TMEM61: variants seen among roughly 807,000 people sequenced by gnomAD.
The protein encoded by TMEM61 is transmembrane protein 61.
In TMEM61, 13 loss-of-function variants were observed where a neutral mutation model predicts 12.0. The ratio of observed to expected loss-of-function variants is 1.08; its 90% CI spans 0.70 to 1.72. The LOEUF (loss-of-function observed/expected upper bound fraction) is 1.72. TMEM61 is among the 40% of genes most tolerant of loss of function. The pLI is 0.00. For synonymous variants in TMEM61, 109 were observed against 121.4 expected (o/e 0.90, Z 0.67); for missense variants, 249 against 276.9 (o/e 0.90, Z 0.71).
At chr1:54,988,049 T>TATTTACATAGC (rs1398548519) in intron 2 of TMEM61, among the ~76,000 whole-genome samples, 2 of 152,266 alleles carry the variant, frequency 1.3e-5, no homozygotes, top group African/African-American at 4.8e-5. Flanking sequence ...TTTACATGTG[T>TATTTACATAGC]ATTTACATAG....
chr1:54,985,064 C>T (rs1361845534), intron 1 of TMEM61, among the ~76,000 whole-genome samples: 1 of 152,094 alleles, frequency 6.6e-6, no homozygotes, highest in Non-Finnish European at 1.5e-5. Flanking sequence ...CTTGTTAAAC[C>T]TTTGTGCTGA....
intron 1 of TMEM61, among the ~76,000 whole-genome samples, chr1:54,981,831 T>C (rs1289541702): frequency 6.6e-6 from 1 of 152,166 alleles, no homozygotes; most frequent in African/African-American, 2.4e-5. Context: ...AGGCTGGCCC[T>C]GCCACCAGTG....
chr1:54,986,108 G>A lies in TMEM61; in HGVS notation c.27G>A (p.Gly9=). 6.3e-7 allele frequency: 1 copy of A among 1,586,472 alleles called. No individual in the cohort carries two copies. The highest frequency in any genetic ancestry group is 8.6e-7 in the Non-Finnish European group (1 of 1,161,566). ...TTCTCTGTGTCCAGATGTGTGACGG[G>A]AGCCACTTGGCCTCCACCCTCCGCT... MALPQMCD[G]SHLASTLRYC... Residue 9 remains glycine (G), a synonymous_variant, in exon 2 of 3, where the codon GGG becomes GGA. Coordinates refer to ENST00000371268, the MANE Select transcript of TMEM61 (RefSeq NM_182532.3).
At chr1:54,981,322 A>G (rs1644219690) in intron 1 of TMEM61, among the ~76,000 whole-genome samples, 1 of 152,182 alleles carries the variant, frequency 6.6e-6, no homozygotes, top group African/African-American at 2.4e-5. Context: ...CGGCATCTAA[A>G]GTGCCCTTAT....
At chr1:54,983,979 G>A (rs1438961210) in intron 1 of TMEM61, among the ~76,000 whole-genome samples, 1 of 152,164 alleles carries the variant, frequency 6.6e-6, no homozygotes, top group Non-Finnish European at 1.5e-5. Context: ...CAGAGGTCTA[G>A]GGGTGCAGAA....
intron 1 of TMEM61, among the ~76,000 whole-genome samples, chr1:54,982,947 GTGCCCAGCCTGGTAAA>G (rs1644233017): frequency 6.6e-6 from 1 of 152,076 alleles, no homozygotes; most frequent in Non-Finnish European, 1.5e-5. Flanking sequence ...CCTTGGCATG[GTGCCCAGCCTGGTAAA>G]TGCCCAGCCT....
intron 1 of TMEM61, 51 bp downstream of exon 1, chr1:54,981,131 T>C (rs1644217796): frequency 1.3e-6 from 2 of 1,558,172 alleles, no homozygotes; most frequent in Admixed American, 1.9e-5. Flanking sequence ...GCCCCTTCTG[T>C]CGTCGACCTT....
intron 2 of TMEM61, 61 bp downstream of exon 2, chr1:54,986,507 C>A (rs189457277): frequency 1.2e-5 from 16 of 1,356,996 alleles, no homozygotes; most frequent in Non-Finnish European, 1.5e-5. Context: ...GTCACACCAG[C>A]CCACCAGCCA....
intron 2 of TMEM61, among the ~76,000 whole-genome samples, chr1:54,989,374 T>C (rs576114837): frequency 6.6e-6 from 1 of 152,298 alleles, no homozygotes; most frequent in African/African-American, 2.4e-5. Context: ...GTTGGGCAAA[T>C]TGTATTTCAT....
chr1:54,985,531 C>G (rs1644251767), intron 1 of TMEM61, among the ~76,000 whole-genome samples: 1 of 152,232 alleles, frequency 6.6e-6, no homozygotes, highest in African/African-American at 2.4e-5. Context: ...GTCACTGCAC[C>G]TGGCTTGCTG....
chr1:54,985,987 A>T, intron 1 of TMEM61, 110 bp from the exon 2 acceptor site: 3 of 943,258 alleles, frequency 3.2e-6, no homozygotes, highest in Non-Finnish European at 3.1e-6. Context: ...CAGAGGAGTT[A>T]AGTGACTTCT....
At chr1:54,987,864 TCCTC>T (rs1644270785) in intron 2 of TMEM61, among the ~76,000 whole-genome samples, 4 of 152,342 alleles carry the variant, frequency 2.6e-5, no homozygotes, top group African/African-American at 7.2e-5. Flanking sequence ...TGAATGCTCT[TCCTC>T]CCTGTTTTAA....
chr1:54,985,245 G>A (rs12097822), intron 1 of TMEM61, among the ~76,000 whole-genome samples: 1 of 105,000 alleles, frequency 9.5e-6, no homozygotes, highest in African/African-American at 2.7e-5. Flanking sequence ...GTGTGTGTGT[G>A]TATGTGTGTG....
At chr1:54,983,872 A>C (rs1191400590) in intron 1 of TMEM61, among the ~76,000 whole-genome samples, 1 of 152,012 alleles carries the variant, frequency 6.6e-6, no homozygotes, top group Non-Finnish European at 1.5e-5. Flanking sequence ...CTACATGAAA[A>C]GGCTTTGAGC....
In TMEM61 at chr1:54,986,303, C is replaced by A. The variant is rs550838536; in HGVS notation, c.222C>A (p.Cys74Ter). The A allele has an allele frequency of 6.2e-7, 1 of 1,613,874 alleles. No individual in the cohort carries two copies. The highest frequency in any genetic ancestry group is 1.3e-5 in the African/African-American group (1 of 74,934). Residue 74 changes from cysteine to a stop codon, truncating the protein, a stop_gained, in exon 2 of 3, where the codon TGC (cysteine) becomes TGA (stop). Coordinates refer to ENST00000371268, the MANE Select transcript of TMEM61 (RefSeq NM_182532.3). LOFTEE classifies it high-confidence loss of function. ...TCAGGTCCGTCAGCTTCGTCTGCTG[C>A]GGTGCAGGTGGCCTGCTGCTGCTCA... ...PLLRSVSFVC[C>*]GAGGLLLLIG...
chr1:54,986,806 C>T (rs1410042146), intron 2 of TMEM61, among the ~76,000 whole-genome samples: 1 of 151,846 alleles, frequency 6.6e-6, no homozygotes, highest in African/African-American at 2.4e-5. Context: ...GTCAGACCCA[C>T]TGGGACCCTG....
intron 2 of TMEM61, among the ~76,000 whole-genome samples, chr1:54,987,303 C>T (rs1644267356): frequency 1.3e-5 from 2 of 152,180 alleles, no homozygotes; most frequent in South Asian, 4.1e-4. Flanking sequence ...GCATTTTAGG[C>T]AGGCAGAAGA....
At chr1:54,985,292 A>C (rs914095093) in intron 1 of TMEM61, among the ~76,000 whole-genome samples, 2 of 151,930 alleles carry the variant, frequency 1.3e-5, no homozygotes, top group East Asian at 3.9e-4. Context: ...GCTGGAGTGC[A>C]GTGGTGCGAT....
chr1:54,982,351 T>C (rs1644228620), intron 1 of TMEM61, among the ~76,000 whole-genome samples: 1 of 151,994 alleles, frequency 6.6e-6, no homozygotes, highest in Non-Finnish European at 1.5e-5. Context: ...TAGTAGAGGG[T>C]CCAGGTGAAA....
Sources: allele counts gnomAD v4.1 joint callset (sites outside exome capture counted in the v4.1 genomes callset), GRCh38; gene constraint gnomAD v4.1.1; transcripts MANE v1.5; gene names NCBI Gene and HGNC (gene_info 2026-07-23, HGNC 2026-07-21).